Variants in DIAPH3 observed in about 807,000 individuals in gnomAD.
The protein encoded by DIAPH3 is diaphanous related formin 3.
A neutral mutation model predicts 144.3 loss-of-function variants in DIAPH3; 117 were observed. The ratio of observed to expected loss-of-function variants is 0.81; its 90% CI spans 0.70 to 0.95. The LOEUF (loss-of-function observed/expected upper bound fraction) is 0.95. Ranked by LOEUF, DIAPH3 falls within the 40% of genes least tolerant of loss-of-function variation. The probability of loss-of-function intolerance (pLI) is 0.00; values close to 1 mark genes in which losing one functional copy is unlikely to be tolerated. For missense variants in DIAPH3, 1,421 were observed against 1,412.7 expected, an observed-to-expected ratio of 1.01 and a Z score of -0.09; for synonymous variants, 519 against 488.9, an observed-to-expected ratio of 1.06 and a Z score of -0.81.
intron 5 of DIAPH3, among the ~76,000 whole-genome samples, chr13:60,023,670 G>A (rs1184969979): frequency 2.0e-5 from 3 of 151,936 alleles, no homozygotes; most frequent in East Asian, 1.9e-4. Context: ...CTGACCTCAA[G>A]ACACCCAACC....
At chr13:60,084,725 C>T (rs1335525803) in intron 4 of DIAPH3, among the ~76,000 whole-genome samples, 1 of 151,968 alleles carries the variant, frequency 6.6e-6, no homozygotes. Context: ...AAGGACAGAT[C>T]CTTAATTTAC....
chr13:60,126,218 T>C (rs1194329738), intron 2 of DIAPH3, among the ~76,000 whole-genome samples: 2 of 152,142 alleles, frequency 1.3e-5, no homozygotes, highest in African/African-American at 2.4e-5. Context: ...GGAAAAATTA[T>C]GCAACCAGAT....
intron 2 of DIAPH3, among the ~76,000 whole-genome samples, chr13:60,124,184 G>T (rs2058923816): frequency 6.6e-6 from 1 of 152,166 alleles, no homozygotes; most frequent in Non-Finnish European, 1.5e-5. Context: ...GTTAGGAGGT[G>T]AGAGAAGAGT....
intron 17 of DIAPH3, among the ~76,000 whole-genome samples, chr13:59,943,185 A>C (rs1294849075): frequency 3.3e-5 from 5 of 152,188 alleles, no homozygotes; most frequent in African/African-American, 1.2e-4. Flanking sequence ...TTATTTTGGC[A>C]GTTTATTTCT....
At chr13:59,983,211 A>G (rs1447349653) in intron 13 of DIAPH3, among the ~76,000 whole-genome samples, 1 of 150,722 alleles carries the variant, frequency 6.6e-6, no homozygotes, top group Non-Finnish European at 1.5e-5. Context: ...AGTTTAAAAA[A>G]AAAAAAAAAA....
chr13:59,767,670 A>T (rs796153853), intron 27 of DIAPH3, among the ~76,000 whole-genome samples: 10 of 152,174 alleles, frequency 6.6e-5, no homozygotes, highest in African/African-American at 2.4e-4. Context: ...ACTATGGAAC[A>T]CAAGCAGAAC....
At chr13:60,088,668 C>G (rs1305383338) in intron 4 of DIAPH3, among the ~76,000 whole-genome samples, 7 of 152,208 alleles carry the variant, frequency 4.6e-5, no homozygotes, top group Admixed American at 3.3e-4. Flanking sequence ...GTCACCCAGA[C>G]TGTACTGCAG....
chr13:59,774,251 G>GT lies in DIAPH3; in HGVS notation c.3260-4dup, dbSNP rs772310796. On this transcript the variant is annotated splice_region_variant and splice_polypyrimidine_tract_variant and intron_variant, in intron 26 of 27. Transcript: ENST00000400324. ...TGGACTGAGACTCTGCCGAACATCTGTTAAAAAAAAAAATAAAATAAACTT... is the reference window on the plus strand; with the variant it reads ...TGGACTGAGACTCTGCCGAACATCTGTTTAAAAAAAAAAATAAAATAAACTT... The GT allele has an allele frequency of 1.2e-6, 2 of 1,606,286 alleles. No individual in the cohort carries two copies. The highest frequency in any genetic ancestry group is 1.7e-6 in the Non-Finnish European group (2 of 1,174,956).
chr13:59,967,504 G>T (rs2050130153), intron 17 of DIAPH3, among the ~76,000 whole-genome samples: 2 of 152,124 alleles, frequency 1.3e-5, no homozygotes, highest in Non-Finnish European at 2.9e-5. Context: ...ACCACAAGTA[G>T]ACCTGTCTAC....
chr13:59,907,177 C>T (rs1252971159), intron 20 of DIAPH3, among the ~76,000 whole-genome samples: 1 of 152,046 alleles, frequency 6.6e-6, no homozygotes, highest in African/African-American at 2.4e-5. Context: ...GAGGCTATTG[C>T]CTCTCAAATA....
At chr13:59,769,071 C>A (rs1426026367) in intron 27 of DIAPH3, among the ~76,000 whole-genome samples, 1 of 152,080 alleles carries the variant, frequency 6.6e-6, no homozygotes, top group African/African-American at 2.4e-5. Context: ...GAAAAGAGAA[C>A]CACCTAATAA....
At chr13:59,750,658 C>A (rs1593748508) in intron 27 of DIAPH3, among the ~76,000 whole-genome samples, 1 of 152,084 alleles carries the variant, frequency 6.6e-6, no homozygotes, top group Non-Finnish European at 1.5e-5. Context: ...GAATCTAATA[C>A]CTGTGTGAAT....
At chr13:59,773,977 C>G in intron 27 of DIAPH3, 1 of 515,088 alleles carries the variant, frequency 1.9e-6, no homozygotes, top group Non-Finnish European at 3.5e-6. Flanking sequence ...CACTAGAGAC[C>G]TGATAGAAGA....
chr13:59,908,870 T>A (rs1410828716), intron 20 of DIAPH3, among the ~76,000 whole-genome samples: 1 of 152,128 alleles, frequency 6.6e-6, no homozygotes, highest in Admixed American at 6.5e-5. Flanking sequence ...GAAAAACAAA[T>A]GAAAAGTCAA....
intron 27 of DIAPH3, among the ~76,000 whole-genome samples, chr13:59,735,710 G>A (rs1478058206): frequency 2.0e-5 from 3 of 152,012 alleles, no homozygotes; most frequent in East Asian, 3.9e-4. Flanking sequence ...ATAAAGGCAC[G>A]GGATCCTGTC....
chr13:60,156,492 G>C (rs1952026489), intron 1 of DIAPH3, among the ~76,000 whole-genome samples: 1 of 152,150 alleles, frequency 6.6e-6, no homozygotes, highest in Non-Finnish European at 1.5e-5. Context: ...ATAATCTTTA[G>C]GGGGGATGAA....
intron 2 of DIAPH3, among the ~76,000 whole-genome samples, chr13:60,113,915 A>G (rs1278691192): frequency 6.6e-6 from 1 of 152,200 alleles, no homozygotes; most frequent in African/African-American, 2.4e-5. Flanking sequence ...GTCTTCACCA[A>G]CTGAATGCGG....
intron 2 of DIAPH3, among the ~76,000 whole-genome samples, chr13:60,119,734 G>A (rs1469789519): frequency 3.5e-5 from 4 of 115,028 alleles, no homozygotes; most frequent in Middle Eastern, 6.3e-3. Context: ...GCGACAGAGC[G>A]AGACTCCGTC....
intron 22 of DIAPH3, among the ~76,000 whole-genome samples, chr13:59,841,664 C>A (rs1338369651): frequency 2.0e-5 from 3 of 151,846 alleles, no homozygotes; most frequent in Non-Finnish European, 1.5e-5. Context: ...AAATTAGGTT[C>A]AAAAAAGTAG....
Sources: gnomAD v4.1 joint callset for allele counts (sites outside exome capture counted in the v4.1 genomes callset) on GRCh38, gnomAD v4.1.1 for gene constraint, MANE v1.5 for transcripts, NCBI Gene and HGNC (gene_info 2026-07-23, HGNC 2026-07-21) for gene names.